FAM78B: variants seen among roughly 807,000 people sequenced by gnomAD.
FAM78B encodes the protein protein FAM78B.
Under a neutral mutation model 20.0 loss-of-function variants are expected in FAM78B, and 10 were observed. The observed-to-expected ratio is 0.50, with a 90% CI of 0.31 to 0.85. FAM78B has a LOEUF of 0.85. Among genes scored for constraint, FAM78B ranks in the 40% least tolerant of loss-of-function variants. FAM78B has a pLI of 0.05. For synonymous variants in FAM78B, 135 were observed against 132.8 expected, an observed-to-expected ratio of 1.02 and a Z score of -0.12; for missense variants, 283 against 345.0, an observed-to-expected ratio of 0.82 and a Z score of 1.42.
chr1:166,094,033 G>C (rs1012992964), intron 1 of FAM78B, among the ~76,000 whole-genome samples: 1 of 145,646 alleles, frequency 6.9e-6, no homozygotes, highest in South Asian at 2.1e-4. Flanking sequence ...GTGTGTGTGT[G>C]TGTGTGTGTG....
At chr1:166,121,789 A>T (rs1376965941) in intron 1 of FAM78B, among the ~76,000 whole-genome samples, 1 of 152,302 alleles carries the variant, frequency 6.6e-6, no homozygotes, top group East Asian at 1.9e-4. Flanking sequence ...AGAGCAGGTA[A>T]GCAACTTGCC....
downstream of FAM78B, among the ~76,000 whole-genome samples, chr1:166,065,685 C>G (rs1651769102): frequency 1.3e-5 from 2 of 152,160 alleles, no homozygotes; most frequent in African/African-American, 2.4e-5. Flanking sequence ...CAACTGGCAA[C>G]TCTTCTGATG....
At chr1:166,140,982 C>T (rs576719643) in intron 1 of FAM78B, among the ~76,000 whole-genome samples, 2 of 152,322 alleles carry the variant, frequency 1.3e-5, no homozygotes, top group South Asian at 4.1e-4. Flanking sequence ...GCTTTGACTG[C>T]AATCCGGTCT....
rs546813527 is a variant in FAM78B at position 166,117,753 on chromosome 1, T to G, written c.264-46990A>C. On this transcript the variant is annotated intron_variant, in intron 1 of 1. Coordinates refer to ENST00000354422, the MANE Select transcript of FAM78B (RefSeq NM_001017961.5). ...GGGTTATGGTATATTCTAAACCTTT[T>G]TCCTAAATGAATTGGGACCTAGGGG... is the stretch of plus-strand genomic sequence containing the variant. 2.6e-5 allele frequency among the ~76,000 whole-genome samples: 4 copies of G among 152,288 alleles called. No homozygotes were observed. In the East Asian group the frequency reaches 5.8e-4, roughly 22 times the overall value.
intron 1 of FAM78B, among the ~76,000 whole-genome samples, chr1:166,139,191 T>G (rs760832187): frequency 6.6e-6 from 1 of 152,204 alleles, no homozygotes; most frequent in African/African-American, 2.4e-5. Context: ...AAGCCTAGAC[T>G]CAGGGTTTTA....
intron 1 of FAM78B, among the ~76,000 whole-genome samples, chr1:166,146,571 G>C (rs1300663360): frequency 1.3e-5 from 2 of 152,144 alleles, no homozygotes; most frequent in Admixed American, 1.3e-4. Context: ...AGCTCTACTA[G>C]GCCAAGGGCA....
At chr1:166,103,309 C>T (rs936435159) in intron 1 of FAM78B, among the ~76,000 whole-genome samples, 23 of 152,082 alleles carry the variant, frequency 1.5e-4, no homozygotes, top group Non-Finnish European at 3.2e-4. Flanking sequence ...GAAGCAAGGG[C>T]AAACACATTC....
At chr1:166,158,306 C>G (rs1305950058) in intron 1 of FAM78B, among the ~76,000 whole-genome samples, 2 of 152,114 alleles carry the variant, frequency 1.3e-5, no homozygotes, top group African/African-American at 4.8e-5. Context: ...GCCTGGGTAA[C>G]AGAGCAAGAC....
intron 1 of FAM78B, among the ~76,000 whole-genome samples, chr1:166,097,164 T>G (rs1401892149): frequency 6.6e-6 from 1 of 152,176 alleles, no homozygotes; most frequent in Non-Finnish European, 1.5e-5. Flanking sequence ...TGAGTCAGTC[T>G]GGAGAGCTGA....
At chr1:166,094,021 G>C (rs1653178402) in intron 1 of FAM78B, among the ~76,000 whole-genome samples, 1 of 150,372 alleles carries the variant, frequency 6.7e-6, no homozygotes, top group Non-Finnish European at 1.5e-5. Flanking sequence ...GTGTGTGTGT[G>C]TGTGTGTGTG....
intron 1 of FAM78B, among the ~76,000 whole-genome samples, chr1:166,138,294 GACTC>G (rs1655147408): frequency 6.6e-6 from 1 of 151,874 alleles, no homozygotes; most frequent in South Asian, 2.1e-4. Context: ...TCTTCCTCAT[GACTC>G]ACTCTCTCTG....
chr1:166,113,015 C>G (rs1654115919), intron 1 of FAM78B, among the ~76,000 whole-genome samples: 1 of 152,172 alleles, frequency 6.6e-6, no homozygotes, highest in African/African-American at 2.4e-5. Context: ...AATCTGTTTT[C>G]TAATTAAAAA....
intron 1 of FAM78B, among the ~76,000 whole-genome samples, chr1:166,142,125 A>C (rs1188112828): frequency 6.6e-6 from 1 of 152,166 alleles, no homozygotes; most frequent in Non-Finnish European, 1.5e-5. Flanking sequence ...TCTGCATGGA[A>C]GGGACAGCTG....
At chr1:166,140,803 T>C (rs1655249106) in intron 1 of FAM78B, among the ~76,000 whole-genome samples, 1 of 152,228 alleles carries the variant, frequency 6.6e-6, no homozygotes, top group Non-Finnish European at 1.5e-5. Flanking sequence ...TGATCTGTAC[T>C]ATGGAGAGGA....
At chr1:166,154,031 C>T (rs1655794986) in intron 1 of FAM78B, among the ~76,000 whole-genome samples, 1 of 152,222 alleles carries the variant, frequency 6.6e-6, no homozygotes, top group African/African-American at 2.4e-5. Context: ...CTAAAAGCCA[C>T]AACAGAGACA....
At chr1:166,088,631 C>T (rs1174220189) in intron 1 of FAM78B, among the ~76,000 whole-genome samples, 3 of 152,304 alleles carry the variant, frequency 2.0e-5, no homozygotes, top group South Asian at 4.2e-4. Flanking sequence ...TTCCAGGCCT[C>T]ACGGACTGGC....
chr1:166,143,519 T>C (rs962606370), intron 1 of FAM78B, among the ~76,000 whole-genome samples: 1 of 152,104 alleles, frequency 6.6e-6, no homozygotes, highest in Non-Finnish European at 1.5e-5. Context: ...GTAAATTTCA[T>C]CTTGAAGGGA....
chr1:166,136,333 C>T (rs2101784299), intron 1 of FAM78B, among the ~76,000 whole-genome samples: 1 of 152,306 alleles, frequency 6.6e-6, no homozygotes, highest in Middle Eastern at 3.4e-3. Context: ...CTAATCTTCA[C>T]AGAGCCTGGG....
At chr1:166,144,550 T>C (rs1017571183) in intron 1 of FAM78B, among the ~76,000 whole-genome samples, 1 of 152,106 alleles carries the variant, frequency 6.6e-6, no homozygotes, top group Non-Finnish European at 1.5e-5. Context: ...AGAGGTTGGT[T>C]GTTGTCCTCA....
Sources: allele counts gnomAD v4.1 joint callset (sites outside exome capture counted in the v4.1 genomes callset), GRCh38; gene constraint gnomAD v4.1.1; transcripts MANE v1.5; gene names NCBI Gene and HGNC (gene_info 2026-07-23, HGNC 2026-07-21).